ARFGEF1: variants seen among roughly 807,000 people sequenced by gnomAD.
The protein encoded by ARFGEF1 is brefeldin A-inhibited guanine nucleotide-exchange protein 1.
In ARFGEF1, 42 loss-of-function variants were observed where a neutral mutation model predicts 231.0. That is an observed-to-expected ratio of 0.18 (90% CI 0.14 to 0.24). The LOEUF (loss-of-function observed/expected upper bound fraction) is 0.24. Ranked by LOEUF, ARFGEF1 falls within the 10% of genes least tolerant of loss-of-function variation. The probability of loss-of-function intolerance (pLI) is 1.00; values close to 1 mark genes in which losing one functional copy is unlikely to be tolerated. For missense variants in ARFGEF1, 1,345 were observed against 2,192.0 expected (o/e 0.61, Z 7.72); for synonymous variants, 710 against 732.3 (o/e 0.97, Z 0.49).
At chr8:67,272,455 C>T (rs1291184674) in intron 9 of ARFGEF1, among the ~76,000 whole-genome samples, 5 of 151,866 alleles carry the variant, frequency 3.3e-5, no homozygotes, top group African/African-American at 7.3e-5. Flanking sequence ...CATGAGCCAC[C>T]GCGCCTGGCC....
Position 67,296,467 on chromosome 8 carries a change from C to T in ARFGEF1, c.603G>A (p.Met201Ile). ...CCATGCGTGCAAAGATAACATTTAG[C>T]ATCTGAGTGAGAGTAGCTTTGGCTG... ...QTTAKATLTQ[M>I]LNVIFARMEN... is the part of the protein sequence containing the mutation. The change falls in exon 5 of 39, where the codon ATG becomes ATA. Residue 201 changes from methionine to isoleucine, a missense_variant. Coordinates refer to ENST00000262215, the MANE Select transcript of ARFGEF1 (RefSeq NM_006421.5). The T allele has an allele frequency of 6.2e-7, 1 of 1,613,924 alleles. No homozygotes were observed. Among genetic ancestry groups the T allele is most frequent in the Non-Finnish European group, 8.5e-7 (1 of 1,179,942 alleles).
chr8:67,289,727 T>C (rs1311576711), intron 6 of ARFGEF1, among the ~76,000 whole-genome samples: 1 of 152,064 alleles, frequency 6.6e-6, no homozygotes, highest in Non-Finnish European at 1.5e-5. Context: ...TGCATGTAAA[T>C]GAGCAACCTT....
At chr8:67,207,004 C>T (rs972572393) in intron 34 of ARFGEF1, 3 of 152,178 alleles carry the variant, frequency 2.0e-5, no homozygotes, top group Non-Finnish European at 4.4e-5. Flanking sequence ...TTAATGAAGG[C>T]TCCTTTCCAG....
chr8:67,343,243 A>C lies in ARFGEF1; in HGVS notation c.45T>G (p.Ala15=). The C allele has an allele frequency of 6.2e-7, 1 of 1,613,786 alleles. No homozygotes were observed. The part of the protein sequence containing the change: ...KKTKNMFLTR[A]LEKILADKEV... The stretch of plus-strand genomic sequence containing the variant: ...CCTTGTCGGCCAATATCTTCTCCAG[A>C]GCCCGGGTCAGGAACATGTTCTTCG... The change falls in exon 1 of 39, where the codon GCT becomes GCG. Residue 15 remains alanine (A), a synonymous_variant. Transcript: ENST00000262215.
downstream of ARFGEF1, chr8:67,173,712 C>T (rs1021869004): frequency 1.3e-5 from 2 of 151,912 alleles, no homozygotes; most frequent in African/African-American, 4.8e-5. Context: ...TGTTTTTCAC[C>T]TAGATTTACA....
At chr8:67,318,683 A>G (rs1282203178) in intron 1 of ARFGEF1, among the ~76,000 whole-genome samples, 2 of 152,248 alleles carry the variant, frequency 1.3e-5, no homozygotes, top group African/African-American at 4.8e-5. Flanking sequence ...ATTTTAAAAA[A>G]ATACTATCTA....
intron 15 of ARFGEF1, among the ~76,000 whole-genome samples, chr8:67,259,603 T>C (rs1840575348): frequency 6.6e-6 from 1 of 151,930 alleles, no homozygotes; most frequent in Non-Finnish European, 1.5e-5. Flanking sequence ...ATATGTATTA[T>C]TAACTTAAAA....
chr8:67,303,178 G>C (rs1246445772), intron 1 of ARFGEF1, among the ~76,000 whole-genome samples: 2 of 152,076 alleles, frequency 1.3e-5, no homozygotes, highest in Non-Finnish European at 2.9e-5. Flanking sequence ...GATGTTTGGG[G>C]ACAGGAGGAA....
At chr8:67,227,624 T>C (rs755509431) in intron 25 of ARFGEF1, 26 bp from the exon 26 acceptor site, 3 of 1,602,154 alleles carry the variant, frequency 1.9e-6, no homozygotes, top group Non-Finnish European at 2.6e-6. Flanking sequence ...AAATAAACGA[T>C]GCTAATTAAT....
chr8:67,259,523 C>T (rs1459811530), intron 15 of ARFGEF1, among the ~76,000 whole-genome samples: 1 of 152,170 alleles, frequency 6.6e-6, no homozygotes, highest in Non-Finnish European at 1.5e-5. Flanking sequence ...CCACTGTGCC[C>T]GGCCAACCAA....
At position 67,334,284 on chromosome 8, in the gene ARFGEF1, C is replaced by CA. The variant is rs35170687; in HGVS notation, c.124+8879dup. On this transcript the variant is annotated intron_variant, in intron 1 of 38. Coordinates refer to ENST00000262215, the MANE Select transcript of ARFGEF1 (RefSeq NM_006421.5). ...ATGTATATGCAAATATTCCAAAGTC[C>CA]AAAAAAAAAAAAAAAAACAAAATTG... 9.9e-3 allele frequency among the ~76,000 whole-genome samples: 1,035 copies of CA among 104,680 alleles called. 6 individuals are homozygous for CA. The highest frequency in any genetic ancestry group is 0.02 in the African/African-American group (586 of 29,792). The allele number at this position is 104,680 out of a possible 152,430, so 68.7% of individuals were successfully genotyped here.
chr8:67,306,543 C>G (rs911453394), intron 1 of ARFGEF1, among the ~76,000 whole-genome samples: 1 of 144,702 alleles, frequency 6.9e-6, no homozygotes, highest in Non-Finnish European at 1.5e-5. Context: ...TTACTATCAA[C>G]TTGTTTAGCT....
At chr8:67,195,778 T>TATA (rs1837823039), downstream of ARFGEF1, 2 of 581,240 alleles carry the variant, frequency 3.4e-6, no homozygotes, top group Admixed American at 6.2e-5. Flanking sequence ...TATTGATTTA[T>TATA]ATAATAGAAT....
chr8:67,322,173 C>T (rs1807627538), intron 1 of ARFGEF1, among the ~76,000 whole-genome samples: 1 of 152,178 alleles, frequency 6.6e-6, no homozygotes, highest in African/African-American at 2.4e-5. Context: ...ACTAAAACCC[C>T]TTTCAGTGGT....
At position 67,226,091 on chromosome 8, in the gene ARFGEF1, G is replaced by C. The variant is rs1411354649; in HGVS notation, c.4009C>G (p.Pro1337Ala). ...LSEFACNAAF[P>A]DTSMEAIRLI... ...CGAATTGCTTCCATACTTGTGTCTG[G>C]GAAAGCTGCATTGCACGCAAATTCA... Residue 1337 changes from proline to alanine, a missense_variant, in exon 28 of 39, where the codon CCA becomes GCA. Pro to Ala is a conservative substitution (Grantham distance 27). This residue lies in a region of ARFGEF1 where 142 missense variants were observed against 227.3 expected (regional missense o/e 0.62). Transcript: ENST00000262215. 1 of 1,613,178 alleles carries C rather than the reference G, an allele frequency of 6.2e-7. No individual in the cohort carries two copies. The highest frequency in any genetic ancestry group is 8.5e-7 in the Non-Finnish European group (1 of 1,179,496).
rs1806244740 is a variant in ARFGEF1, at chr8:67,296,630, A to G, written c.460-20T>C. ...TAAAGCCTTTAAGAAAAAAAAAGGA[A>G]AAAGTTAAAGAGATTTTCTTTTTCT... On this transcript the variant is annotated intron_variant, in intron 4 of 38. Transcript: ENST00000262215. The G allele has an allele frequency of 6.4e-7, 1 of 1,562,094 alleles. No homozygotes were observed. The highest frequency in any genetic ancestry group is 8.6e-7 in the Non-Finnish European group (1 of 1,158,076).
chr8:67,228,991 A>G (rs898200316), intron 23 of ARFGEF1, among the ~76,000 whole-genome samples: 1 of 152,060 alleles, frequency 6.6e-6, no homozygotes, highest in African/African-American at 2.4e-5. Flanking sequence ...TCAACTTAGA[A>G]TGCACAAAAT....
chr8:67,175,385 A>G (rs1480181178), downstream of ARFGEF1: 2 of 1,614,094 alleles, frequency 1.2e-6, no homozygotes, highest in African/African-American at 2.7e-5. Flanking sequence ...AGCCCTGCTA[A>G]GAGAGCAGCA....
At chr8:67,179,803 A>C in intron 5 of ARFGEF1, 1 of 1,166,874 alleles carries the variant, frequency 8.6e-7, no homozygotes, top group Non-Finnish European at 1.3e-6. Flanking sequence ...TCTTAGTATA[A>C]ATTTGTTGTT....
Sources: allele counts gnomAD v4.1 joint callset (sites outside exome capture counted in the v4.1 genomes callset), GRCh38; gene constraint gnomAD v4.1.1; regional missense constraint gnomAD v4.1.1; transcripts MANE v1.5; gene names NCBI Gene and HGNC (gene_info 2026-07-23, HGNC 2026-07-21).